The following ATP7A variants were observed in gnomAD, a reference collection of about 807,000 sequenced individuals.
ATP7A encodes the protein ATPase copper transporting alpha, also known as copper-transporting ATPase 1.
ATP7A carries 7 observed loss-of-function variants against 83.5 expected under a neutral mutation model. The ratio of observed to expected loss-of-function variants is 0.08; its 90% CI spans 0.05 to 0.16. The LOEUF is 0.16. ATP7A is among the 10% of genes least tolerant of loss of function. The pLI, the probability that ATP7A is intolerant of heterozygous loss-of-function variation, is 1.00. For missense variants in ATP7A, 940 were observed against 1,120.8 expected (o/e 0.84, Z 2.30); for synonymous variants, 354 against 395.2 (o/e 0.90, Z 1.24).
intron 2 of ATP7A, among the ~76,000 whole-genome samples, chrX:77,972,500 C>T (rs1262608796): frequency 7.2e-5 from 8 of 111,425 alleles, no homozygotes; most frequent in African/African-American, 2.0e-4. Flanking sequence ...TACAGGCATG[C>T]GCCATCACTC....
rs1557235589 is a variant in ATP7A at position 78,020,228 on chromosome X, T to G, written c.2627-16T>G. On this transcript the variant is annotated splice_polypyrimidine_tract_variant and intron_variant, in intron 12 of 22. Coordinates refer to ENST00000341514, the MANE Select transcript of ATP7A (RefSeq NM_000052.7). ...ATCATTTATGCTCCTTAAATCTATC[T>G]TTACTCTCCATACAGGGGAGGCAAT... is the stretch of plus-strand genomic sequence containing the variant. 8.3e-7 allele frequency: 1 copy of G among 1,207,526 alleles called. No homozygotes were observed. Among genetic ancestry groups the G allele is most frequent in the African/African-American group, 1.7e-5 (1 of 57,782 alleles).
rs185917115 is a variant in ATP7A at position 78,031,498 on chromosome X, C to T, written c.3210C>T (p.His1070=). The T allele has an allele frequency of 1.2e-4, 142 of 1,208,995 alleles. No homozygotes were observed. In the East Asian group the frequency reaches 3.5e-3, roughly 30 times the overall value. The change falls in exon 16 of 23, where the codon CAC becomes CAT. Residue 1070 remains histidine, a synonymous_variant. Coordinates refer to ENST00000341514, the MANE Select transcript of ATP7A (RefSeq NM_000052.7). ...TAACTGAAAGTAACAGAATATCACA[C>T]CATAAAATCTTGGCCATTGTGGGAA... is the stretch of plus-strand genomic sequence containing the variant. ...KVLTESNRIS[H]HKILAIVGTA... is the part of the protein sequence containing the mutation.
chrX:77,955,921 A>G (rs1185756574), intron 1 of ATP7A, among the ~76,000 whole-genome samples: 1 of 106,206 alleles, frequency 9.4e-6, no homozygotes, highest in Non-Finnish European at 1.9e-5. Context: ...GGCTTACTTC[A>G]CTTAACATGA....
At position 78,049,180 on chromosome X, in the gene ATP7A, AC is replaced by A. The variant is rs2078098606; in HGVS notation, c.*2611del. 1 of 111,883 alleles carries A rather than the reference AC, an allele frequency of 8.9e-6. No homozygotes were observed. Among genetic ancestry groups the A allele is most frequent in the South Asian group, 3.7e-4 (1 of 2,726 alleles). 9.2% of individuals were successfully genotyped at this position (111,883 alleles called of 1,213,427 possible). ...GGTGATTATGGAGGGAATCAAAAAT[AC>A]TGCTTTCAGTTAGTAGCTAGCTTTA... On this transcript the variant is annotated 3_prime_UTR_variant, in exon 23 of 23. Transcript: ENST00000341514.
At chrX:77,926,941 G>T (rs1402451013) in intron 1 of ATP7A, among the ~76,000 whole-genome samples, 1 of 110,879 alleles carries the variant, frequency 9.0e-6, no homozygotes, top group African/African-American at 3.3e-5. Flanking sequence ...GACCTCAAGT[G>T]ATCCTCCTGC....
chrX:77,966,624 G>C (rs187926956), intron 1 of ATP7A, among the ~76,000 whole-genome samples: 23 of 111,827 alleles, frequency 2.1e-4, no homozygotes, highest in Admixed American at 1.9e-3. Flanking sequence ...TTTGCCAGGG[G>C]CTGTGAGTAG....
At chrX:78,008,124 T>C (rs1204512995) in intron 6 of ATP7A, among the ~76,000 whole-genome samples, 9 of 112,093 alleles carry the variant, frequency 8.0e-5, no homozygotes, top group African/African-American at 2.9e-4. Flanking sequence ...AAAAGATGGT[T>C]CTTACAATTT....
chrX:77,969,071 G>A, intron 1 of ATP7A: 1 of 1,211,939 alleles, frequency 8.3e-7, no homozygotes, highest in East Asian at 3.0e-5. Context: ...ATGCCCTGGA[G>A]GCTGTTGCCA....
At chrX:78,030,336 C>T (rs1557236905) in intron 15 of ATP7A, among the ~76,000 whole-genome samples, 1 of 109,945 alleles carries the variant, frequency 9.1e-6, no homozygotes, top group Non-Finnish European at 1.9e-5. Context: ...GCAGGAGAAT[C>T]GCTTGAGCCC....
At position 78,046,919 on chromosome X, in the gene ATP7A, G is replaced by T. The variant is rs2078087263; in HGVS notation, c.*349G>T. ...AAAAAAGGCCCAAGAAGAAGAAAAT[G>T]AAAAATTTGAAGATTTGAGAGCATG... On this transcript the variant is annotated 3_prime_UTR_variant, in exon 23 of 23. Transcript: ENST00000341514. 2 of 178,261 alleles carry T rather than the reference G, an allele frequency of 1.1e-5. No homozygotes were observed. The highest frequency in any genetic ancestry group is 2.0e-5 in the Non-Finnish European group (2 of 99,027). 14.7% of individuals were successfully genotyped at this position (178,261 alleles called of 1,213,427 possible).
At chrX:78,037,981 T>TTTTTTTTTTTTTG (rs2078024435) in intron 17 of ATP7A, among the ~76,000 whole-genome samples, 1 of 42,720 alleles carries the variant, frequency 2.3e-5, no homozygotes. Context: ...TCAAGAAAGG[T>TTTTTTTTTTTTTG]TTTTTTTTTT....
intron 1 of ATP7A, among the ~76,000 whole-genome samples, chrX:77,949,890 C>T (rs1244709138): frequency 8.9e-6 from 1 of 111,979 alleles, no homozygotes; most frequent in Non-Finnish European, 1.9e-5. Context: ...AGTTCTGACT[C>T]GCTTAACCAG....
chrX:77,949,573 A>C (rs782795732), intron 1 of ATP7A, among the ~76,000 whole-genome samples: 1 of 112,104 alleles, frequency 8.9e-6, no homozygotes, highest in Non-Finnish European at 1.9e-5. Context: ...GGACATAAAC[A>C]GCTTGAGGGC....
rs781808445 is a variant in ATP7A, at chrX:78,002,799, T to TACACAC, written c.1544-234_1544-229dup. Among the ~76,000 whole-genome samples, 886 of 87,112 alleles carry TACACAC rather than the reference T, an allele frequency of 0.01. 13 individuals carry two copies. Among genetic ancestry groups the TACACAC allele is most frequent in the African/African-American group, 0.025 (579 of 23,122 alleles). 75.6% of individuals were successfully genotyped at this position (87,112 alleles called of 115,157 possible). ...GTACGTCAAGTTTATTATGTTCTTA[T>TACACAC]ACACACACACACACACACACACACA... is the stretch of plus-strand genomic sequence containing the variant. On this transcript the variant is annotated intron_variant, in intron 5 of 22. Coordinates refer to ENST00000341514, the MANE Select transcript of ATP7A (RefSeq NM_000052.7).
intron 14 of ATP7A, among the ~76,000 whole-genome samples, chrX:78,023,875 GATA>G (rs782094069): frequency 9.0e-6 from 1 of 111,389 alleles, no homozygotes; most frequent in East Asian, 2.8e-4. Flanking sequence ...CTTTCCCTAG[GATA>G]ATGTCTAGAA....
chrX:77,967,955 T>C (rs1223343882), intron 1 of ATP7A, among the ~76,000 whole-genome samples: 1 of 111,727 alleles, frequency 9.0e-6, no homozygotes, highest in Non-Finnish European at 1.9e-5. Context: ...ATACTTTTTT[T>C]TTTTAATTGC....
At chrX:77,972,683 T>C (rs2077555400) in intron 2 of ATP7A, among the ~76,000 whole-genome samples, 1 of 110,620 alleles carries the variant, frequency 9.0e-6, no homozygotes, top group Non-Finnish European at 1.9e-5. Context: ...TTATTTTTTG[T>C]AGCGATGGGG....
chrX:77,983,841 T>C (rs2077618921), intron 2 of ATP7A, among the ~76,000 whole-genome samples: 1 of 109,989 alleles, frequency 9.1e-6, no homozygotes, highest in Non-Finnish European at 1.9e-5. Flanking sequence ...CCCGCCACCA[T>C]GCCCAGATAA....
intron 2 of ATP7A, chrX:77,974,928 G>T (rs1226580387): frequency 3.8e-6 from 1 of 261,754 alleles, no homozygotes; most frequent in East Asian, 5.4e-5. Flanking sequence ...TGCACATTGT[G>T]CAGGTTAGTT....
Sources: allele counts gnomAD v4.1 joint callset (sites outside exome capture counted in the v4.1 genomes callset), GRCh38; gene constraint gnomAD v4.1.1; transcripts MANE v1.5; gene names NCBI Gene and HGNC (gene_info 2026-07-23, HGNC 2026-07-21).